PTPRD: variants seen among roughly 807,000 people sequenced by gnomAD.
PTPRD encodes protein tyrosine phosphatase receptor type D.
In PTPRD, 34 loss-of-function variants were observed where a neutral mutation model predicts 214.5. The observed-to-expected ratio is 0.16, with a 90% confidence interval of 0.12 to 0.21. The LOEUF is 0.21. Ranked by LOEUF, PTPRD falls within the 10% of genes least tolerant of loss-of-function variation. The pLI is 1.00. For missense variants in PTPRD, 2,545 were observed against 2,398.7 expected, an observed-to-expected ratio of 1.06 and a Z score of -1.27; for synonymous variants, 1,128 against 845.7, an observed-to-expected ratio of 1.33 and a Z score of -5.79.
At chr9:9,776,878 C>A (rs980029445) in intron 5 of PTPRD, among the ~76,000 whole-genome samples, 1 of 152,144 alleles carries the variant, frequency 6.6e-6, no homozygotes, top group Admixed American at 6.6e-5. Flanking sequence ...AGATAATAAC[C>A]AGCTAATTTT....
intron 11 of PTPRD, among the ~76,000 whole-genome samples, chr9:8,847,453 T>C (rs937491660): frequency 4.6e-5 from 7 of 152,162 alleles, no homozygotes; most frequent in Non-Finnish European, 8.8e-5. Context: ...GAAAAACATA[T>C]GGCTAAATAG....
chr9:10,156,778 G>T (rs1305418681), intron 3 of PTPRD, among the ~76,000 whole-genome samples: 1 of 152,156 alleles, frequency 6.6e-6, no homozygotes, highest in Non-Finnish European at 1.5e-5. Flanking sequence ...AAGTCTCTTG[G>T]AAAGTTTTTA....
At chr9:10,143,213 A>T (rs1355458933) in intron 3 of PTPRD, among the ~76,000 whole-genome samples, 1 of 152,146 alleles carries the variant, frequency 6.6e-6, no homozygotes, top group Admixed American at 6.6e-5. Flanking sequence ...GGCATGGCAC[A>T]TGTATACATA....
intron 10 of PTPRD, among the ~76,000 whole-genome samples, chr9:9,173,741 T>C (rs1158635718): frequency 2.0e-5 from 3 of 152,188 alleles, no homozygotes. Context: ...TGGTTGACCA[T>C]GGACCATTGT....
chr9:8,404,104 G>A (rs1421657723), intron 36 of PTPRD, among the ~76,000 whole-genome samples: 1 of 152,138 alleles, frequency 6.6e-6, no homozygotes, highest in Non-Finnish European at 1.5e-5. Flanking sequence ...GTAGGAAAAA[G>A]CTATGTTTGA....
At chr9:9,167,681 G>A (rs1023195466) in intron 10 of PTPRD, among the ~76,000 whole-genome samples, 1 of 152,028 alleles carries the variant, frequency 6.6e-6, no homozygotes, top group African/African-American at 2.4e-5. Flanking sequence ...CTTGATCCAA[G>A]GAGGCAGAGG....
intron 3 of PTPRD, among the ~76,000 whole-genome samples, chr9:10,311,760 A>G (rs1487957807): frequency 6.6e-6 from 1 of 152,016 alleles, no homozygotes; most frequent in Non-Finnish European, 1.5e-5. Context: ...TATAAGATCA[A>G]TTTACAATAC....
At chr9:8,398,300 T>G (rs1225135835) in intron 36 of PTPRD, among the ~76,000 whole-genome samples, 1 of 152,118 alleles carries the variant, frequency 6.6e-6, no homozygotes, top group Non-Finnish European at 1.5e-5. Context: ...ATTATACAGA[T>G]GAGGAAAGCA....
chr9:9,001,749 C>G (rs762797013), intron 11 of PTPRD, among the ~76,000 whole-genome samples: 1 of 152,034 alleles, frequency 6.6e-6, no homozygotes, highest in Non-Finnish European at 1.5e-5. Flanking sequence ...CTTTTGGAGC[C>G]TACTAACCCG....
rs534843727 is a variant in PTPRD, at chr9:8,317,153, C to A, written c.*721G>T. 2.6e-5 allele frequency: 6 copies of A among 231,476 alleles called. No individual in the cohort carries two copies. The highest frequency in any genetic ancestry group is 6.1e-5 in the East Asian group (1 of 16,350). The allele number at this position is 231,476 out of a possible 1,614,324, so 14.3% of individuals were successfully genotyped here. A position where few individuals can be genotyped will look rare whatever the true frequency, so the allele number is the denominator to read the frequency against. ...CTGATACTGTAGATTGAGTTTTGCA[C>A]AAAAATGTGCAAATTTTCAAATGAT... On this transcript the variant is annotated 3_prime_UTR_variant, in exon 46 of 46. Transcript: ENST00000381196.
chr9:8,512,910 TTTCTAC>T (rs1394067652), intron 21 of PTPRD, among the ~76,000 whole-genome samples: 1 of 152,052 alleles, frequency 6.6e-6, no homozygotes, highest in Admixed American at 6.5e-5. Context: ...CAGAGTTTTA[TTTCTAC>T]TTCTTCTATA....
intron 7 of PTPRD, among the ~76,000 whole-genome samples, chr9:9,640,740 G>A (rs551697432): frequency 6.6e-6 from 1 of 152,342 alleles, no homozygotes; most frequent in East Asian, 1.9e-4. Context: ...GGGAAGTAGA[G>A]GGGTGACCCC....
chr9:9,560,342 G>A (rs892747315), intron 8 of PTPRD, among the ~76,000 whole-genome samples: 1 of 152,212 alleles, frequency 6.6e-6, no homozygotes, highest in African/African-American at 2.4e-5. Flanking sequence ...ACATATGGTG[G>A]TAGATTCTAG....
At chr9:8,454,183 G>A (rs987163322) in intron 33 of PTPRD, among the ~76,000 whole-genome samples, 1 of 152,086 alleles carries the variant, frequency 6.6e-6, no homozygotes, top group African/African-American at 2.4e-5. Flanking sequence ...ATATCATTAG[G>A]TGATCTGTAC....
At chr9:9,963,452 A>C (rs79812440) in intron 4 of PTPRD, among the ~76,000 whole-genome samples, 2 of 152,092 alleles carry the variant, frequency 1.3e-5, no homozygotes, top group Non-Finnish European at 2.9e-5. Flanking sequence ...TTTCTACCCA[A>C]TTTTCTATGT....
intron 5 of PTPRD, among the ~76,000 whole-genome samples, chr9:9,914,106 C>T (rs1413104075): frequency 6.6e-6 from 1 of 152,132 alleles, no homozygotes; most frequent in Non-Finnish European, 1.5e-5. Context: ...TTGGGCAAAC[C>T]CACCCTTGAA....
intron 8 of PTPRD, among the ~76,000 whole-genome samples, chr9:9,487,988 G>C (rs750738790): frequency 2.0e-5 from 3 of 152,000 alleles, no homozygotes; most frequent in Non-Finnish European, 4.4e-5. Context: ...TTTCCCATGA[G>C]GTATTTTATT....
chr9:10,068,339 T>C (rs936817220), intron 3 of PTPRD, among the ~76,000 whole-genome samples: 7 of 151,892 alleles, frequency 4.6e-5, no homozygotes, highest in Admixed American at 3.3e-4. Flanking sequence ...CCTATATGAA[T>C]TGCCTTCAAG....
chr9:9,457,412 A>G (rs376986153), intron 8 of PTPRD, among the ~76,000 whole-genome samples: 30 of 152,130 alleles, frequency 2.0e-4, no homozygotes, highest in African/African-American at 6.7e-4. Context: ...AATTAATTGA[A>G]CTGAAAGTTT....
Sources: gnomAD v4.1 joint callset for allele counts (sites outside exome capture counted in the v4.1 genomes callset) on GRCh38, gnomAD v4.1.1 for gene constraint, MANE v1.5 for transcripts, NCBI Gene and HGNC (gene_info 2026-07-23, HGNC 2026-07-21) for gene names.